The following OR52I2 variants were observed in gnomAD, a reference collection of about 807,000 sequenced individuals.
OR52I2 encodes the protein olfactory receptor 52I2.
For missense variants in OR52I2, 350 were observed against 402.4 expected (o/e 0.87, Z 1.11); for synonymous variants, 147 against 151.9 (o/e 0.97, Z 0.24).
At chr11:4,584,871 G>A (rs1172052562) in intron 1 of OR52I2, among the ~76,000 whole-genome samples, 1 of 152,086 alleles carries the variant, frequency 6.6e-6, no homozygotes, top group Non-Finnish European at 1.5e-5. Flanking sequence ...TGGTCTTCAA[G>A]TCACACACAC....
exon 2 of OR52I2, chr11:4,592,427 T>C (rs576235149): frequency 6.6e-6 from 1 of 152,170 alleles, no homozygotes; most frequent in Non-Finnish European, 1.5e-5. Flanking sequence ...AATAACATAT[T>C]TTGAGTAGGG....
chr11:4,586,754 A>G, intron 1 of OR52I2, 118 bp from the exon 2 acceptor site: 2 of 1,464,146 alleles, frequency 1.4e-6, no homozygotes, highest in Non-Finnish European at 9.4e-7. Context: ...CAGATGCCAC[A>G]TTTTTGATCC....
chr11:4,589,996 G>GA (rs149471506), exon 2 of OR52I2: 9,120 of 152,250 alleles, frequency 0.06, 275 homozygotes, highest in African/African-American at 0.076. Context: ...GTCTGCATGT[G>GA]AATATCCCCA....
exon 2 of OR52I2, chr11:4,590,981 AAT>A (rs1846346408): frequency 6.6e-6 from 1 of 152,200 alleles, no homozygotes; most frequent in Non-Finnish European, 1.5e-5. Flanking sequence ...CACAGTCTGT[AAT>A]CATGTCTCCA....
exon 2 of OR52I2, chr11:4,591,712 A>G (rs2133190362): frequency 6.6e-6 from 1 of 152,164 alleles, no homozygotes; most frequent in Middle Eastern, 3.4e-3. Context: ...TTTCATACCC[A>G]CCTCCACTCT....
chr11:4,589,742 G>T (rs186234314), exon 2 of OR52I2: 2 of 152,326 alleles, frequency 1.3e-5, no homozygotes, highest in East Asian at 3.9e-4. Context: ...GGCTGATTGG[G>T]TGCATGTTTG....
chr11:4,587,823 T>A lies in OR52I2; in HGVS notation c.933T>A (p.Tyr311Ter). The change falls in exon 2 of 2, where the codon TAT (tyrosine) becomes TAA (stop). Residue 311 changes from tyrosine (Y) to a stop codon, truncating the protein, a stop_gained. Transcript: ENST00000641896. LOFTEE classifies it low-confidence loss of function (END_TRUNC). ...AACTGCGGGAGAGAATATGGAGTTA[T>A]CTGATGCATGTCCTCTTTGACCATT... The A allele has an allele frequency of 6.2e-7, 1 of 1,614,074 alleles. No individual in the cohort carries two copies. The highest frequency in any genetic ancestry group is 1.3e-5 in the African/African-American group (1 of 75,034).
intron 1 of OR52I2, among the ~76,000 whole-genome samples, chr11:4,585,658 C>A (rs973994273): frequency 6.6e-6 from 1 of 152,188 alleles, no homozygotes; most frequent in Non-Finnish European, 1.5e-5. Flanking sequence ...TTTGTCTCAT[C>A]AAACCTGGCC....
chr11:4,593,328 A>G (rs1034382374), exon 2 of OR52I2: 2 of 155,270 alleles, frequency 1.3e-5, no homozygotes, highest in Admixed American at 6.3e-5. Context: ...TCCAGGGTAA[A>G]TTTAGAGAAG....
At chr11:4,587,516 T>G (rs1350512169) in exon 2 of OR52I2, 1 of 1,614,198 alleles carries the variant, frequency 6.2e-7, no homozygotes, top group Non-Finnish European at 8.5e-7. Flanking sequence ...GGTTCCTCTC[T>G]TATGGTGGGC....
chr11:4,583,853 G>T (rs990123484), intron 1 of OR52I2, among the ~76,000 whole-genome samples: 1 of 152,196 alleles, frequency 6.6e-6, no homozygotes, highest in Non-Finnish European at 1.5e-5. Context: ...TGGCACCTGG[G>T]TGTGGAGTCA....
At chr11:4,588,191 TC>T in exon 2 of OR52I2, 1 of 291,788 alleles carries the variant, frequency 3.4e-6, no homozygotes, top group Non-Finnish European at 6.4e-6. Flanking sequence ...CCTCACCAAC[TC>T]TTAAAATGAA....
At chr11:4,586,719 TA>T in intron 1 of OR52I2, 152 bp from the exon 2 acceptor site, 1 of 993,962 alleles carries the variant, frequency 1.0e-6, no homozygotes, top group Non-Finnish European at 1.5e-6. Context: ...TTAAGGAGGA[TA>T]AAAGTGGTAC....
At chr11:4,588,203 A>ACGGC in exon 2 of OR52I2, 68 of 272,826 alleles carry the variant, frequency 2.5e-4, no homozygotes, top group Middle Eastern at 1.2e-3. Context: ...TTAAAATGAA[A>ACGGC]GACAACAAAG....
exon 2 of OR52I2, chr11:4,587,743 T>C (rs762204293): frequency 1.2e-6 from 2 of 1,614,174 alleles, no homozygotes; most frequent in South Asian, 2.2e-5. Context: ...AGCTGACCTG[T>C]ACGTGATCAT....
chr11:4,589,359 CCCT>C (rs1406392912), exon 2 of OR52I2: 19 of 152,154 alleles, frequency 1.2e-4, no homozygotes, highest in Admixed American at 1.2e-3. Context: ...CTGTATTAAC[CCCT>C]CTTCTTTTGC....
rs552467307 is a variant in OR52I2, at chr11:4,587,391, G to A, written c.501G>A (p.Val167=). The A allele has an allele frequency of 1.4e-5, 23 of 1,613,826 alleles. No homozygotes were observed. The African/African-American group carries it at 3.1e-4, about 22-fold the overall frequency. ...CCATAACTCCACTGAGTTGGATGGT[G>A]AGTCATCTACCTTTCTGTGGCTCCA... Residue 167 remains valine, a synonymous_variant, in exon 2 of 2, where the codon GTG becomes GTA. Transcript: ENST00000641896.
At chr11:4,586,314 C>T (rs557688480) in intron 1 of OR52I2, among the ~76,000 whole-genome samples, 1 of 152,216 alleles carries the variant, frequency 6.6e-6, no homozygotes, top group East Asian at 1.9e-4. Context: ...ATATGTTTGA[C>T]CTCAGGAAGT....
chr11:4,582,978 T>C (rs180869755), intron 1 of OR52I2, among the ~76,000 whole-genome samples: 22 of 152,234 alleles, frequency 1.4e-4, no homozygotes, highest in African/African-American at 5.3e-4. Context: ...CATTTGAGAT[T>C]TGTGCATTTT....
Sources: allele counts gnomAD v4.1 joint callset (sites outside exome capture counted in the v4.1 genomes callset), GRCh38; gene constraint gnomAD v4.1.1; transcripts MANE v1.5; gene names NCBI Gene and HGNC (gene_info 2026-07-23, HGNC 2026-07-21).